EXOC6B: variants seen among roughly 807,000 people sequenced by gnomAD.
EXOC6B encodes the protein exocyst complex component 6B.
In EXOC6B, 54 loss-of-function variants were observed where a neutral mutation model predicts 113.5. The observed-to-expected ratio is 0.48, with a 90% confidence interval of 0.38 to 0.60. The LOEUF (loss-of-function observed/expected upper bound fraction) is 0.60. EXOC6B is among the 20% of genes least tolerant of loss of function. The pLI, the probability that EXOC6B is intolerant of heterozygous loss-of-function variation, is 0.00. For synonymous variants in EXOC6B, 357 were observed against 339.0 expected, an observed-to-expected ratio of 1.05 and a Z score of -0.58; for missense variants, 797 against 977.5, an observed-to-expected ratio of 0.82 and a Z score of 2.46.
chr2:72,195,499 G>A (rs1216365892), intron 20 of EXOC6B, among the ~76,000 whole-genome samples: 4 of 152,178 alleles, frequency 2.6e-5, no homozygotes, highest in Admixed American at 2.6e-4. Context: ...GAAGGTAGGA[G>A]CCATGGACCA....
intron 20 of EXOC6B, among the ~76,000 whole-genome samples, chr2:72,274,314 A>G (rs1684681672): frequency 6.6e-6 from 1 of 152,316 alleles, no homozygotes; most frequent in East Asian, 1.9e-4. Flanking sequence ...TTAAAATACT[A>G]AGCTGACATG....
chr2:72,354,793 A>G (rs917135375), intron 19 of EXOC6B, among the ~76,000 whole-genome samples: 4 of 152,232 alleles, frequency 2.6e-5, no homozygotes, highest in African/African-American at 9.6e-5. Context: ...GGCATATCAT[A>G]AAAGCACAGC....
At chr2:72,317,780 T>C (rs1687610646) in intron 20 of EXOC6B, among the ~76,000 whole-genome samples, 1 of 152,160 alleles carries the variant, frequency 6.6e-6, no homozygotes, top group South Asian at 2.1e-4. Context: ...TTCCTCTCCA[T>C]TGTCACTCCT....
rs34358568 is a variant in EXOC6B, at chr2:72,767,808, TAAAAA to T, written c.114-26344_114-26340del. ...AGCCTGGGAGACACAGAGACCTTGT[TAAAAA>T]AAAAAAAAAAAAAAAAAAAAGACCA... On this transcript the variant is annotated intron_variant, in intron 1 of 21. Transcript: ENST00000272427. Among the ~76,000 whole-genome samples, 111 of 12,692 alleles carry T rather than the reference TAAAAA, an allele frequency of 8.7e-3. 2 individuals carry two copies. Among genetic ancestry groups the T allele is most frequent in the East Asian group, 0.026 (18 of 690 alleles). 8.3% of individuals were successfully genotyped at this position (12,692 alleles called of 152,430 possible). A position where few individuals can be genotyped will look rare whatever the true frequency, so the allele number is the denominator to read the frequency against.
At chr2:72,393,250 C>T (rs554004720) in intron 18 of EXOC6B, among the ~76,000 whole-genome samples, 8 of 152,006 alleles carry the variant, frequency 5.3e-5, no homozygotes, top group Non-Finnish European at 7.4e-5. Context: ...CATACCACCA[C>T]GCCCAGCTAA....
At chr2:72,704,240 C>T (rs1033359125) in intron 6 of EXOC6B, among the ~76,000 whole-genome samples, 12 of 150,266 alleles carry the variant, frequency 8.0e-5, no homozygotes, top group East Asian at 1.9e-4. Context: ...GGGTACATAA[C>T]GAAATGAAGG....
chr2:72,493,965 AC>A (rs1266107939), intron 15 of EXOC6B, among the ~76,000 whole-genome samples: 1 of 152,156 alleles, frequency 6.6e-6, no homozygotes, highest in African/African-American at 2.4e-5. Flanking sequence ...GATATGACTG[AC>A]AAAGCAATCT....
Position 72,509,285 on chromosome 2 carries a change from A to G in EXOC6B, c.1167+3847T>C, listed in dbSNP as rs79748494. On this transcript the variant is annotated intron_variant, in intron 11 of 21. Transcript: ENST00000272427. ...TCTCTGACTTCCATTCTCTAGTACTATAAGAAAATAAATTTCTGTCATTTA... is the reference window on the plus strand; with the variant it reads ...TCTCTGACTTCCATTCTCTAGTACTGTAAGAAAATAAATTTCTGTCATTTA... Among the ~76,000 whole-genome samples, 79 of 152,312 alleles carry G rather than the reference A, an allele frequency of 5.2e-4. No homozygotes were observed. The East Asian group carries it at 0.015, about 28-fold the overall frequency.
chr2:72,382,325 G>A (rs918517018), intron 18 of EXOC6B, among the ~76,000 whole-genome samples: 13 of 152,188 alleles, frequency 8.5e-5, no homozygotes, highest in East Asian at 3.9e-4. Flanking sequence ...CAGCTTTGTC[G>A]AAGATCAGAT....
chr2:72,719,803 T>C (rs977528603), intron 5 of EXOC6B, among the ~76,000 whole-genome samples: 4 of 152,136 alleles, frequency 2.6e-5, no homozygotes, highest in African/African-American at 7.2e-5. Context: ...TGAAAGGAAA[T>C]GACAGCAGAT....
intron 19 of EXOC6B, among the ~76,000 whole-genome samples, chr2:72,358,534 T>C (rs545891942): frequency 6.6e-6 from 1 of 152,318 alleles, no homozygotes; most frequent in African/African-American, 2.4e-5. Context: ...ATCACATGTC[T>C]ATGAGATAGG....
At chr2:72,434,897 C>T (rs144937471) in intron 18 of EXOC6B, among the ~76,000 whole-genome samples, 5 of 152,068 alleles carry the variant, frequency 3.3e-5, no homozygotes, top group Non-Finnish European at 5.9e-5. Flanking sequence ...TTTCATGTCT[C>T]TATCTCCTTC....
intron 20 of EXOC6B, among the ~76,000 whole-genome samples, chr2:72,238,595 C>T (rs982292441): frequency 2.6e-5 from 4 of 152,132 alleles, no homozygotes; most frequent in African/African-American, 9.7e-5. Flanking sequence ...TTCTAGCTAT[C>T]CTAGTGTGTG....
chr2:72,317,568 C>T (rs1185018659), intron 20 of EXOC6B, among the ~76,000 whole-genome samples: 1 of 150,766 alleles, frequency 6.6e-6, no homozygotes, highest in Non-Finnish European at 1.5e-5. Flanking sequence ...ATCACACACA[C>T]ACACACACAC....
intron 6 of EXOC6B, among the ~76,000 whole-genome samples, chr2:72,631,480 A>G (rs1425532092): frequency 6.3e-4 from 4 of 6,336 alleles, no homozygotes; most frequent in Non-Finnish European, 1.4e-3. Context: ...AGAGAGAGAG[A>G]GAGAGAGAGA....
intron 20 of EXOC6B, among the ~76,000 whole-genome samples, chr2:72,237,680 T>C (rs1276442479): frequency 6.6e-6 from 1 of 152,196 alleles, no homozygotes; most frequent in Admixed American, 6.5e-5. Flanking sequence ...CCAGTTCGTG[T>C]CGGACTTCAC....
chr2:72,233,071 C>CA (rs901957121), intron 20 of EXOC6B, among the ~76,000 whole-genome samples: 22 of 126,904 alleles, frequency 1.7e-4, no homozygotes, highest in South Asian at 7.5e-4. Flanking sequence ...AACTCCGTCC[C>CA]AAAAAAAAAA....
intron 20 of EXOC6B, among the ~76,000 whole-genome samples, chr2:72,237,035 A>C (rs1681999325): frequency 6.6e-6 from 1 of 152,208 alleles, no homozygotes; most frequent in South Asian, 2.1e-4. Context: ...TCAAGTTAGA[A>C]AGACTTGGGG....
intron 20 of EXOC6B, among the ~76,000 whole-genome samples, chr2:72,315,749 T>C (rs370022738): frequency 4.6e-5 from 7 of 152,060 alleles, no homozygotes; most frequent in Non-Finnish European, 1.5e-5. Context: ...TGCCATTAAT[T>C]GAGATGAAGA....
Sources: gnomAD v4.1 joint callset for allele counts (sites outside exome capture counted in the v4.1 genomes callset) on GRCh38, gnomAD v4.1.1 for gene constraint, MANE v1.5 for transcripts, NCBI Gene and HGNC (gene_info 2026-07-23, HGNC 2026-07-21) for gene names.